Variants in PCSK5 observed in about 807,000 individuals in gnomAD.
PCSK5 encodes prohormone convertase 5.
PCSK5 carries 129 observed loss-of-function variants against 233.2 expected under a neutral mutation model. The observed-to-expected ratio is 0.55, with a 90% confidence interval of 0.48 to 0.64. PCSK5 has a LOEUF of 0.64. Among genes scored for constraint, PCSK5 ranks in the 30% least tolerant of loss-of-function variants. PCSK5 has a pLI of 0.00. For synonymous variants in PCSK5, 825 were observed against 879.2 expected (o/e 0.94, Z 1.09); for missense variants, 2,076 against 2,430.1 (o/e 0.85, Z 3.06).
At chr9:76,116,268 A>G (rs1045860124) in intron 9 of PCSK5, among the ~76,000 whole-genome samples, 1 of 152,146 alleles carries the variant, frequency 6.6e-6, no homozygotes, top group Non-Finnish European at 1.5e-5. Flanking sequence ...GGAATAGAAC[A>G]TGTAACACAA....
chr9:76,314,473 C>G (rs1828961143), intron 30 of PCSK5, among the ~76,000 whole-genome samples: 1 of 152,120 alleles, frequency 6.6e-6, no homozygotes, highest in Admixed American at 6.5e-5. Flanking sequence ...ATTGCTGTTT[C>G]TGAGAAATCA....
chr9:76,182,155 A>G (rs1029853737), intron 16 of PCSK5, among the ~76,000 whole-genome samples: 2 of 152,002 alleles, frequency 1.3e-5, no homozygotes, highest in African/African-American at 4.8e-5. Flanking sequence ...GGTAGTGGGA[A>G]CCCTCCCAAA....
chr9:75,950,979 T>TA (rs1824829033), intron 2 of PCSK5, among the ~76,000 whole-genome samples: 1 of 152,222 alleles, frequency 6.6e-6, no homozygotes, highest in Admixed American at 6.5e-5. Flanking sequence ...AAGCAACCAT[T>TA]GAAAGATTTG....
At chr9:76,221,256 A>G (rs984848201) in intron 20 of PCSK5, among the ~76,000 whole-genome samples, 2 of 152,180 alleles carry the variant, frequency 1.3e-5, no homozygotes, top group African/African-American at 4.8e-5. Flanking sequence ...TTTGTTTCAC[A>G]GTAAATTCCT....
chr9:76,362,428 CAA>C lies in PCSK5; in HGVS notation c.*3507_*3508del, dbSNP rs1476890634. On this transcript the variant is annotated 3_prime_UTR_variant, in exon 38 of 38. Coordinates refer to ENST00000674117, the MANE Select transcript of PCSK5 (RefSeq NM_001372043.1). ...CATTTTCCAAGTAAGAGATACACAACAAGAGTGCTATTTTTTCTTCTTTTTAT... is the reference window on the plus strand; with the variant it reads ...CATTTTCCAAGTAAGAGATACACAACGAGTGCTATTTTTTCTTCTTTTTAT... 1 of 152,154 alleles carries C rather than the reference CAA, an allele frequency of 6.6e-6. No individual in the cohort carries two copies. Among genetic ancestry groups the C allele is most frequent in the Non-Finnish European group, 1.5e-5 (1 of 68,024 alleles). The allele number at this position is 152,154 out of a possible 1,614,324, so 9.4% of individuals were successfully genotyped here.
At chr9:76,275,611 G>T (rs571856558) in intron 24 of PCSK5, among the ~76,000 whole-genome samples, 2 of 152,242 alleles carry the variant, frequency 1.3e-5, no homozygotes, top group East Asian at 1.9e-4. Flanking sequence ...TTTTAGTAGA[G>T]ACAGGGTTTC....
chr9:76,190,972 A>G (rs1824347464), intron 20 of PCSK5, among the ~76,000 whole-genome samples: 1 of 152,178 alleles, frequency 6.6e-6, no homozygotes, highest in Non-Finnish European at 1.5e-5. Context: ...AGCTAATACC[A>G]AGTTTCCTCA....
chr9:76,348,144 C>G (rs1259126800), intron 35 of PCSK5, among the ~76,000 whole-genome samples: 1 of 152,104 alleles, frequency 6.6e-6, no homozygotes, highest in Admixed American at 6.6e-5. Flanking sequence ...TGCAGTGGCT[C>G]ATGCCTGTAA....
intron 5 of PCSK5, among the ~76,000 whole-genome samples, chr9:76,040,319 TTCTCTGTCTCTCTCTCTCTCTC>T (rs1829041389): frequency 9.0e-6 from 1 of 110,638 alleles, no homozygotes; most frequent in African/African-American, 3.5e-5. Context: ...CTTAGATGTG[TTCTCTGTCTCTCTCTCTCTCTC>T]TCTCTCTCTC....
chr9:76,328,494 C>T lies in PCSK5; in HGVS notation c.4570+255C>T, dbSNP rs182911824. The stretch of plus-strand genomic sequence containing the variant: ...ATCATTTGTTCGTGGGCTCTCTCCC[C>T]CCTTCTCACTCATTCTCTCTCTCTC... On this transcript the variant is annotated intron_variant, in intron 33 of 37. Transcript: ENST00000674117. Among the ~76,000 whole-genome samples, 54 of 152,260 alleles carry T rather than the reference C, an allele frequency of 3.5e-4. No homozygotes were observed. In the East Asian group the frequency reaches 0.01, roughly 29 times the overall value.
chr9:76,161,281 C>T (rs1044274472), intron 12 of PCSK5, among the ~76,000 whole-genome samples: 4 of 152,130 alleles, frequency 2.6e-5, no homozygotes, highest in Non-Finnish European at 5.9e-5. Flanking sequence ...ATGTCCTCCT[C>T]CCACTGCAGA....
intron 32 of PCSK5, among the ~76,000 whole-genome samples, chr9:76,327,786 G>C (rs551036333): frequency 1.2e-4 from 18 of 152,268 alleles, no homozygotes; most frequent in African/African-American, 3.8e-4. Context: ...GGATACAACA[G>C]AGAAAATAAA....
intron 5 of PCSK5, among the ~76,000 whole-genome samples, chr9:76,041,890 C>T (rs544597523): frequency 7.3e-5 from 11 of 151,578 alleles, no homozygotes; most frequent in African/African-American, 2.7e-4. Context: ...GTCTTTTTAG[C>T]CTCACCCCTT....
At chr9:76,333,969 T>C (rs906191347) in intron 34 of PCSK5, among the ~76,000 whole-genome samples, 1 of 152,208 alleles carries the variant, frequency 6.6e-6, no homozygotes, top group Non-Finnish European at 1.5e-5. Flanking sequence ...ACCCAAAGAC[T>C]GGGCAATTTA....
chr9:76,146,346 G>A (rs939625061), intron 10 of PCSK5, among the ~76,000 whole-genome samples: 4 of 151,884 alleles, frequency 2.6e-5, no homozygotes, highest in Non-Finnish European at 4.4e-5. Context: ...TAGCCAAAGC[G>A]TGAATATAAA....
At chr9:76,189,585 CT>C (rs750037573) in intron 19 of PCSK5, 45 bp from the exon 20 acceptor site, 54 of 1,130,624 alleles carry the variant, frequency 4.8e-5, no homozygotes, top group Non-Finnish European at 7.3e-5. Context: ...ACACCTTCCC[CT>C]GTGCATGTGT....
At chr9:76,026,140 TATTAA>T (rs1828416389) in intron 4 of PCSK5, among the ~76,000 whole-genome samples, 1 of 152,156 alleles carries the variant, frequency 6.6e-6, no homozygotes, top group African/African-American at 2.4e-5. Context: ...ATTGAAAGCA[TATTAA>T]ATTAGGCTGG....
chr9:76,200,215 A>G (rs73460321), intron 20 of PCSK5, among the ~76,000 whole-genome samples: 24,095 of 152,188 alleles, frequency 0.16, 2,381 homozygotes, highest in Non-Finnish European at 0.22. Context: ...CTTACCTGAG[A>G]TCTTTGTGCT....
At chr9:75,949,444 T>C (rs1824740385) in intron 2 of PCSK5, among the ~76,000 whole-genome samples, 1 of 152,268 alleles carries the variant, frequency 6.6e-6, no homozygotes, top group South Asian at 2.1e-4. Flanking sequence ...GAAATCATCA[T>C]CATAAAGGAA....
Sources: allele counts gnomAD v4.1 joint callset (sites outside exome capture counted in the v4.1 genomes callset), GRCh38; gene constraint gnomAD v4.1.1; transcripts MANE v1.5; gene names NCBI Gene and HGNC (gene_info 2026-07-23, HGNC 2026-07-21).